KDELR2: variants seen among roughly 807,000 people sequenced by gnomAD.
The protein encoded by KDELR2 is ER lumen protein-retaining receptor 2.
In KDELR2, 15 loss-of-function variants were observed where a neutral mutation model predicts 23.9. That is an observed-to-expected ratio of 0.63 (90% CI 0.42 to 0.97). The LOEUF (loss-of-function observed/expected upper bound fraction) is 0.97, where lower values mean the gene tolerates loss of function less well. Among genes scored for constraint, KDELR2 ranks in the 50% least tolerant of loss-of-function variants. KDELR2 has a pLI of 0.00. For synonymous variants in KDELR2, 119 were observed against 106.2 expected (o/e 1.12, Z -0.74); for missense variants, 272 against 254.6 (o/e 1.07, Z -0.46).
intron 2 of KDELR2, 94 bp downstream of exon 2, chr7:6,474,090 C>A (rs1003945694): frequency 1.3e-6 from 1 of 753,604 alleles, no homozygotes; most frequent in Non-Finnish European, 2.2e-6. Context: ...ATTTTTGGAG[C>A]ATTTTAATTA....
chr7:6,477,634 C>T (rs548683094), intron 1 of KDELR2, among the ~76,000 whole-genome samples: 1 of 152,324 alleles, frequency 6.6e-6, no homozygotes, highest in African/African-American at 2.4e-5. Flanking sequence ...CTTGTCTTAT[C>T]CTACTGGGCC....
In KDELR2 at chr7:6,484,135, G is replaced by A. The variant is rs771541952; in HGVS notation, c.-78C>T. ...GCTCAGGAGGCGGCGGCCCCTGAGAGGAAGCGGCGAAGATGGCGAGATCGC... is the reference window on the plus strand; with the variant it reads ...GCTCAGGAGGCGGCGGCCCCTGAGAAGAAGCGGCGAAGATGGCGAGATCGC... On this transcript the variant is annotated 5_prime_UTR_variant, in exon 1 of 5. Coordinates refer to ENST00000258739, the MANE Select transcript of KDELR2 (RefSeq NM_006854.4). 2.2e-5 allele frequency: 25 copies of A among 1,146,202 alleles called. 1 individual carries two copies. The East Asian group carries it at 7.8e-4, about 36-fold the overall frequency. 71.0% of individuals were successfully genotyped at this position (1,146,202 alleles called of 1,614,324 possible).
At chr7:6,473,995 T>C (rs1429950615) in intron 2 of KDELR2, 189 bp downstream of exon 2, 8 of 445,956 alleles carry the variant, frequency 1.8e-5, no homozygotes, top group South Asian at 5.3e-5. Context: ...CAAAAATGTA[T>C]GCTTACTGAT....
intron 3 of KDELR2, among the ~76,000 whole-genome samples, chr7:6,468,699 G>A (rs929967959): frequency 6.6e-6 from 1 of 151,878 alleles, no homozygotes; most frequent in Non-Finnish European, 1.5e-5. Flanking sequence ...TAGAGACGGG[G>A]TTTCACCGTG....
At chr7:6,471,431 C>T (rs547773254) in intron 2 of KDELR2, among the ~76,000 whole-genome samples, 2 of 152,036 alleles carry the variant, frequency 1.3e-5, no homozygotes, top group South Asian at 2.1e-4. Context: ...CTGCCTGCCT[C>T]GGCTTCCCAA....
intron 1 of KDELR2, among the ~76,000 whole-genome samples, chr7:6,478,354 C>T (rs6963194): frequency 0.86 from 130,428 of 151,982 alleles, 56,744 homozygotes; most frequent in Non-Finnish European, 0.92. Context: ...CACTATGTTG[C>T]CCAGGCTGGT....
At chr7:6,475,977 G>C (rs979731249) in intron 1 of KDELR2, among the ~76,000 whole-genome samples, 2 of 152,138 alleles carry the variant, frequency 1.3e-5, no homozygotes, top group African/African-American at 2.4e-5. Flanking sequence ...GGTGGCACAA[G>C]TACAGCCCAC....
intron 1 of KDELR2, among the ~76,000 whole-genome samples, chr7:6,474,802 T>C (rs1785721041): frequency 6.6e-6 from 1 of 152,176 alleles, no homozygotes; most frequent in East Asian, 1.9e-4. Context: ...TAGGTGGGAC[T>C]AGAGGTGTGA....
chr7:6,466,429 G>T, intron 3 of KDELR2, 106 bp from the exon 4 acceptor site: 1 of 1,426,780 alleles, frequency 7.0e-7, no homozygotes, highest in East Asian at 2.3e-5. Flanking sequence ...TGAGTGGGGA[G>T]TGGGGCATGT....
chr7:6,470,668 A>C (rs1461656558), intron 2 of KDELR2, among the ~76,000 whole-genome samples: 7 of 152,156 alleles, frequency 4.6e-5, no homozygotes, highest in Admixed American at 3.3e-4. Context: ...TTTGTTTTTG[A>C]ACTTTATGGT....
intron 4 of KDELR2, 112 bp from the exon 5 acceptor site, chr7:6,463,287 G>T (rs1785427067): frequency 2.5e-6 from 2 of 786,408 alleles, no homozygotes; most frequent in Non-Finnish European, 2.0e-6. Context: ...ACATAGTAAG[G>T]TATAGGAAAT....
In KDELR2 at chr7:6,463,136, G is replaced by T; in HGVS notation, c.*5C>A. 3 of 1,614,060 alleles carry T rather than the reference G, an allele frequency of 1.9e-6. No homozygotes were observed. Among genetic ancestry groups the T allele is most frequent in the Non-Finnish European group, 2.5e-6 (3 of 1,180,026 alleles). On this transcript the variant is annotated 3_prime_UTR_variant, in exon 5 of 5. Coordinates refer to ENST00000258739, the MANE Select transcript of KDELR2 (RefSeq NM_006854.4). ...AGGACAGATGCTGGTGATGGTCTTTGGCACTTATGCTGGCAAACTGAGCTT... is the reference window on the plus strand; with the variant it reads ...AGGACAGATGCTGGTGATGGTCTTTTGCACTTATGCTGGCAAACTGAGCTT...
chr7:6,484,121 G>A lies in KDELR2; in HGVS notation c.-64C>T, dbSNP rs915264838. The A allele has an allele frequency of 1.4e-5, 17 of 1,212,870 alleles. No homozygotes were observed. Among genetic ancestry groups the A allele is most frequent in the Non-Finnish European group, 1.7e-5 (16 of 956,484 alleles). The allele number at this position is 1,212,870 out of a possible 1,614,324, so 75.1% of individuals were successfully genotyped here. On this transcript the variant is annotated 5_prime_UTR_variant, in exon 1 of 5. Coordinates refer to ENST00000258739, the MANE Select transcript of KDELR2 (RefSeq NM_006854.4). Reference sequence around the variant, plus strand: ...CCCGGGGCTGGGCGGCTCAGGAGGCGGCGGCCCCTGAGAGGAAGCGGCGAA... The same window carrying A: ...CCCGGGGCTGGGCGGCTCAGGAGGCAGCGGCCCCTGAGAGGAAGCGGCGAA...
At chr7:6,468,611 T>G (rs1369160118) in intron 3 of KDELR2, among the ~76,000 whole-genome samples, 3 of 152,176 alleles carry the variant, frequency 2.0e-5, no homozygotes, top group Non-Finnish European at 4.4e-5. Flanking sequence ...GTTCACGCCA[T>G]TCTCCTGCCT....
At chr7:6,480,308 C>T (rs1354287090) in intron 1 of KDELR2, among the ~76,000 whole-genome samples, 2 of 152,196 alleles carry the variant, frequency 1.3e-5, no homozygotes, top group African/African-American at 4.8e-5. Flanking sequence ...AAAACCACCG[C>T]TTGTTCTTCC....
intron 1 of KDELR2, among the ~76,000 whole-genome samples, chr7:6,475,256 CT>C (rs1248167856): frequency 6.6e-6 from 1 of 152,168 alleles, no homozygotes; most frequent in African/African-American, 2.4e-5. Context: ...CAGACTCCAT[CT>C]CTACGAAAAA....
At chr7:6,469,290 C>T (rs1005592835) in intron 3 of KDELR2, among the ~76,000 whole-genome samples, 2 of 151,998 alleles carry the variant, frequency 1.3e-5, no homozygotes, top group African/African-American at 4.8e-5. Flanking sequence ...CAGTCTTGCT[C>T]TGTCACCCAG....
At chr7:6,482,852 AAAGTT>A in intron 1 of KDELR2, among the ~76,000 whole-genome samples, 1 of 138,414 alleles carries the variant, frequency 7.2e-6, no homozygotes, top group African/African-American at 2.9e-5. Flanking sequence ...AAAAAAAAAA[AAAGTT>A]AGCCAGGCAT....
chr7:6,469,662 C>T lies in KDELR2; in HGVS notation c.285G>A (p.Val95=), dbSNP rs774809209. The change falls in exon 3 of 5, where the codon GTG becomes GTA. Residue 95 remains valine, a synonymous_variant. Coordinates refer to ENST00000258739, the MANE Select transcript of KDELR2 (RefSeq NM_006854.4). ...CTCCCACAGGGACCACCAGAAACTC[C>T]ACTCGGAAGGTATCATGATTTCCAT... ...TYDGNHDTFR[V]EFLVVPVGGL... is the part of the protein sequence containing the mutation. 1.9e-6 allele frequency: 3 copies of T among 1,614,064 alleles called. No individual in the cohort carries two copies. The highest frequency in any genetic ancestry group is 2.2e-5 in the South Asian group (2 of 91,078).
Sources: gnomAD v4.1 joint callset for allele counts (sites outside exome capture counted in the v4.1 genomes callset) on GRCh38, gnomAD v4.1.1 for gene constraint, MANE v1.5 for transcripts, NCBI Gene and HGNC (gene_info 2026-07-23, HGNC 2026-07-21) for gene names.